Variants in WNT3 observed in about 807,000 individuals in gnomAD.
The protein encoded by WNT3 is proto-oncogene Wnt-3.
WNT3 carries 7 observed loss-of-function variants against 34.2 expected under a neutral mutation model. That is an observed-to-expected ratio of 0.20 (90% CI 0.12 to 0.38). The LOEUF (loss-of-function observed/expected upper bound fraction) is 0.38. Ranked by LOEUF, WNT3 falls within the 10% of genes least tolerant of loss-of-function variation. The pLI is 1.00. For missense variants in WNT3, 267 were observed against 499.8 expected (o/e 0.53, Z 4.44); for synonymous variants, 212 against 211.5 (o/e 1.00, Z -0.02).
chr17:46,789,939 G>T (rs1051081136), intron 1 of WNT3, among the ~76,000 whole-genome samples: 3 of 152,172 alleles, frequency 2.0e-5, no homozygotes, highest in Admixed American at 2.0e-4. Context: ...TCCCAGGAGG[G>T]CTTCTTTGCG....
At chr17:46,809,813 TCC>T (rs1162495711) in intron 1 of WNT3, among the ~76,000 whole-genome samples, 1 of 151,914 alleles carries the variant, frequency 6.6e-6, no homozygotes, top group Non-Finnish European at 1.5e-5. Context: ...CTGTGCCCTC[TCC>T]CAGGGGCTCT....
At chr17:46,780,209 A>G (rs2059448887) in intron 1 of WNT3, among the ~76,000 whole-genome samples, 1 of 152,172 alleles carries the variant, frequency 6.6e-6, no homozygotes, top group East Asian at 1.9e-4. Context: ...TTGGCCTCAG[A>G]TGCTGCCGTC....
At chr17:46,783,296 G>A (rs951832121) in intron 1 of WNT3, among the ~76,000 whole-genome samples, 1 of 152,218 alleles carries the variant, frequency 6.6e-6, no homozygotes, top group Non-Finnish European at 1.5e-5. Context: ...TGTCAAGACT[G>A]GGGCCTGGTG....
intron 1 of WNT3, among the ~76,000 whole-genome samples, chr17:46,784,927 C>T (rs1233450388): frequency 2.0e-5 from 3 of 152,258 alleles, no homozygotes; most frequent in Non-Finnish European, 2.9e-5. Flanking sequence ...AGGCACCCGC[C>T]ACCATGCCCG....
chr17:46,785,804 T>C (rs2059499607), intron 1 of WNT3, among the ~76,000 whole-genome samples: 1 of 148,606 alleles, frequency 6.7e-6, no homozygotes, highest in Admixed American at 6.7e-5. Flanking sequence ...CTGTGCTCCA[T>C]CCCAGGGAGC....
intron 1 of WNT3, among the ~76,000 whole-genome samples, chr17:46,779,103 A>ACACACACACACCCCCCCC (rs749719578): frequency 1.5e-5 from 2 of 133,586 alleles, no homozygotes; most frequent in East Asian, 2.5e-4. Context: ...ACACACACAC[A>ACACACACACACCCCCCCC]CCCCAGCCCA....
chr17:46,816,115 A>ACACACACACG (rs764743287), intron 1 of WNT3, among the ~76,000 whole-genome samples: 2 of 26,344 alleles, frequency 7.6e-5, no homozygotes, highest in Non-Finnish European at 1.4e-4. Flanking sequence ...GCGCACGTAC[A>ACACACACACG]CACACACACA....
chr17:46,803,417 C>T (rs2084152086), intron 1 of WNT3, among the ~76,000 whole-genome samples: 1 of 152,124 alleles, frequency 6.6e-6, no homozygotes, highest in Admixed American at 6.5e-5. Flanking sequence ...ACCTATGATC[C>T]CAGCTACTCG....
chr17:46,795,618 G>A (rs1247167837), intron 1 of WNT3, among the ~76,000 whole-genome samples: 2 of 152,158 alleles, frequency 1.3e-5, no homozygotes, highest in Admixed American at 6.5e-5. Flanking sequence ...AACATTTCCC[G>A]GCACACAGGG....
chr17:46,793,753 C>T (rs1301452130), intron 1 of WNT3, among the ~76,000 whole-genome samples: 2 of 152,212 alleles, frequency 1.3e-5, no homozygotes, highest in Non-Finnish European at 2.9e-5. Flanking sequence ...TTCCCAGCAC[C>T]TTCCAACCTG....
At position 46,763,120 on chromosome 17, in the gene WNT3, G is replaced by A. The variant is rs2059282105; in HGVS notation, c.*1510C>T. ...TGGCAAGCCCACCTGCACCAGCTGG[G>A]AGATCGCTGCCCTGGTATTTTAGGT... is the stretch of plus-strand genomic sequence containing the variant. On this transcript the variant is annotated 3_prime_UTR_variant, in exon 5 of 5. Transcript: ENST00000225512. 1 of 152,192 alleles carries A rather than the reference G, an allele frequency of 6.6e-6. No individual in the cohort carries two copies. Among genetic ancestry groups the A allele is most frequent in the East Asian group, 1.9e-4 (1 of 5,192 alleles). 9.4% of individuals were successfully genotyped at this position (152,192 alleles called of 1,614,324 possible).
At chr17:46,809,881 C>A (rs1227080050) in intron 1 of WNT3, among the ~76,000 whole-genome samples, 1 of 152,168 alleles carries the variant, frequency 6.6e-6, no homozygotes, top group Non-Finnish European at 1.5e-5. Context: ...TGTCCAGCCC[C>A]ACTTCTTCCT....
intron 1 of WNT3, among the ~76,000 whole-genome samples, chr17:46,802,259 CTTTCT>C (rs376309235): frequency 1.2e-3 from 180 of 152,076 alleles, no homozygotes; most frequent in Middle Eastern, 6.8e-3. Context: ...AAGGGTTGGA[CTTTCT>C]TTTCTTTTAT....
Position 46,818,541 on chromosome 17 carries a change from G to T in WNT3, c.57C>A (p.Val19=). Reference sequence around the variant, plus strand: ...ACCACCAAATTGGGTAGCCAGCGAGGACCCTGGTGCCACCGAGCAGGAGGC... The same window carrying T: ...ACCACCAAATTGGGTAGCCAGCGAGTACCCTGGTGCCACCGAGCAGGAGGC... ...LLGLLLGGTR[V]LAGYPIWWSL... is the part of the protein sequence containing the mutation. Residue 19 remains valine, a synonymous_variant, in exon 1 of 5, where the codon GTC becomes GTA. Coordinates refer to ENST00000225512, the MANE Select transcript of WNT3 (RefSeq NM_030753.5). 1 of 1,608,866 alleles carries T rather than the reference G, an allele frequency of 6.2e-7. No individual in the cohort carries two copies. Among genetic ancestry groups the T allele is most frequent in the South Asian group, 1.1e-5 (1 of 89,848 alleles).
chr17:46,799,106 C>G (rs944172267), intron 1 of WNT3, among the ~76,000 whole-genome samples: 10 of 151,928 alleles, frequency 6.6e-5, no homozygotes, highest in African/African-American at 2.4e-4. Flanking sequence ...CCCTTCCCTT[C>G]CTGAGAACTG....
chr17:46,781,327 G>A (rs1207628136), intron 1 of WNT3, among the ~76,000 whole-genome samples: 3 of 150,954 alleles, frequency 2.0e-5, no homozygotes, highest in East Asian at 1.9e-4. Context: ...AGCCAGACAC[G>A]GAAGAACAAA....
In WNT3 at chr17:46,818,549, T is replaced by C. The variant is rs2146480427; in HGVS notation, c.49A>G (p.Thr17Ala). Residue 17 changes from threonine (T) to alanine (A), a missense_variant, in exon 1 of 5, where the codon ACC (threonine) becomes GCC (alanine). Thr to Ala is a moderately conservative substitution (Grantham distance 58). Transcript: ENST00000225512. ...GLLLGLLLGGTRVLAGYPIWW... is the reference protein window; with the variant it reads ...GLLLGLLLGGARVLAGYPIWW... ...ATTGGGTAGCCAGCGAGGACCCTGG[T>C]GCCACCGAGCAGGAGGCCGAGGAGC... 1 of 1,608,822 alleles carries C rather than the reference T, an allele frequency of 6.2e-7. No individual in the cohort carries two copies. Among genetic ancestry groups the C allele is most frequent in the East Asian group, 2.2e-5 (1 of 44,668 alleles).
At chr17:46,804,136 G>A (rs1185493160) in intron 1 of WNT3, among the ~76,000 whole-genome samples, 3 of 152,002 alleles carry the variant, frequency 2.0e-5, no homozygotes, top group African/African-American at 4.8e-5. Flanking sequence ...TGCCCAGGCT[G>A]GAGTGCAGTG....
rs1183672258 is a variant in WNT3, at chr17:46,762,685, G to T, written c.*1945C>A. ...GACTTTTTGAATATAAAATCAAAAA[G>T]ATCAACAACTTCTACAACTTTTTAC... On this transcript the variant is annotated 3_prime_UTR_variant, in exon 5 of 5. Coordinates refer to ENST00000225512, the MANE Select transcript of WNT3 (RefSeq NM_030753.5). The T allele has an allele frequency of 2.6e-5, 4 of 151,624 alleles. No homozygotes were observed. Among genetic ancestry groups the T allele is most frequent in the Non-Finnish European group, 5.9e-5 (4 of 67,942 alleles). 9.4% of individuals were successfully genotyped at this position (151,624 alleles called of 1,614,324 possible).
Sources: allele counts gnomAD v4.1 joint callset (sites outside exome capture counted in the v4.1 genomes callset), GRCh38; gene constraint gnomAD v4.1.1; transcripts MANE v1.5; gene names NCBI Gene and HGNC (gene_info 2026-07-23, HGNC 2026-07-21).